Variants in ASB3 observed in about 807,000 individuals in gnomAD.
ASB3 encodes ankyrin repeat and SOCS box protein 3.
A neutral mutation model predicts 54.5 loss-of-function variants in ASB3; 41 were observed. The observed-to-expected ratio is 0.75, with a 90% CI of 0.59 to 0.98. The LOEUF is 0.98. ASB3 is among the 50% of genes least tolerant of loss of function. ASB3 has a pLI of 0.00. For missense variants in ASB3, 733 were observed against 620.0 expected, an observed-to-expected ratio of 1.18 and a Z score of -1.94; for synonymous variants, 266 against 221.2, an observed-to-expected ratio of 1.20 and a Z score of -1.80.
At chr2:53,682,586 C>T (rs892549293) in intron 9 of ASB3, among the ~76,000 whole-genome samples, 1 of 152,222 alleles carries the variant, frequency 6.6e-6, no homozygotes, top group Middle Eastern at 3.4e-3. Context: ...AAGTGATTCT[C>T]CTGCCTCAAC....
At chr2:53,734,626 G>A (rs1200677038) in intron 3 of ASB3, among the ~76,000 whole-genome samples, 3 of 152,158 alleles carry the variant, frequency 2.0e-5, no homozygotes, top group Non-Finnish European at 4.4e-5. Context: ...AAATTCTACT[G>A]CCATAATTCA....
chr2:53,682,043 C>A (rs1005058144), intron 9 of ASB3, among the ~76,000 whole-genome samples: 2 of 151,778 alleles, frequency 1.3e-5, no homozygotes, highest in African/African-American at 2.4e-5. Context: ...GCCTGTAACC[C>A]CAGCTACTTG....
chr2:53,692,822 T>C (rs1421116630), intron 9 of ASB3, among the ~76,000 whole-genome samples: 2 of 152,224 alleles, frequency 1.3e-5, no homozygotes, highest in African/African-American at 2.4e-5. Context: ...TAAAAGCAGA[T>C]GCAATTTTCA....
chr2:53,731,275 A>C (rs1671295491), intron 3 of ASB3, among the ~76,000 whole-genome samples: 1 of 152,062 alleles, frequency 6.6e-6, no homozygotes, highest in African/African-American at 2.4e-5. Context: ...GGTGGCACGC[A>C]CCTGTAATCC....
At chr2:53,760,306 A>G (rs1005005877) in intron 2 of ASB3, among the ~76,000 whole-genome samples, 30 of 152,222 alleles carry the variant, frequency 2.0e-4, no homozygotes, top group African/African-American at 6.0e-4. Flanking sequence ...CCTATCAAAC[A>G]TCAGGAAGAC....
chr2:53,693,881 T>C lies in ASB3; in HGVS notation c.1369+3A>G, dbSNP rs781107333. On this transcript the variant is annotated splice_donor_region_variant and intron_variant, in intron 9 of 9. Coordinates refer to ENST00000263634, the MANE Select transcript of ASB3 (RefSeq NM_016115.5). ...AGTGTGTTTAAAAGTTATTCTTTCTTACCAATATGTTGCTGTAGAATCCAA... is the reference window on the plus strand; with the variant it reads ...AGTGTGTTTAAAAGTTATTCTTTCTCACCAATATGTTGCTGTAGAATCCAA... 49 of 1,612,566 alleles carry C rather than the reference T, an allele frequency of 3.0e-5. No individual in the cohort carries two copies. The Admixed American group carries it at 6.3e-4, about 21-fold the overall frequency.
chr2:53,700,226 T>C, intron 8 of ASB3, 45 bp downstream of exon 8: 1 of 1,579,200 alleles, frequency 6.3e-7, no homozygotes, highest in Non-Finnish European at 8.6e-7. Flanking sequence ...AAAGGTAGTA[T>C]ATTCACTCAA....
At chr2:53,699,259 A>G (rs1669351795) in intron 8 of ASB3, among the ~76,000 whole-genome samples, 1 of 152,184 alleles carries the variant, frequency 6.6e-6, no homozygotes, top group South Asian at 2.1e-4. Flanking sequence ...TACCTCCCAA[A>G]TATCTCACCT....
At chr2:53,768,789 A>T (rs187295594) in intron 1 of ASB3, among the ~76,000 whole-genome samples, 1 of 152,272 alleles carries the variant, frequency 6.6e-6, no homozygotes, top group Non-Finnish European at 1.5e-5. Flanking sequence ...ATATGTATAG[A>T]GAATTAGCAG....
chr2:53,748,503 A>G (rs546940512), intron 3 of ASB3: 2 of 152,334 alleles, frequency 1.3e-5, no homozygotes, highest in Admixed American at 1.3e-4. Context: ...CGTGTAAAAT[A>G]CTTTTCGCAT....
At chr2:53,752,720 T>C (rs370743433) in intron 2 of ASB3, among the ~76,000 whole-genome samples, 5 of 152,208 alleles carry the variant, frequency 3.3e-5, no homozygotes, top group African/African-American at 1.2e-4. Context: ...AACACAAGCA[T>C]TGAAGCGTGC....
intron 1 of ASB3, among the ~76,000 whole-genome samples, chr2:53,772,679 A>G (rs891473002): frequency 6.6e-6 from 1 of 151,732 alleles, no homozygotes; most frequent in Admixed American, 6.6e-5. Flanking sequence ...AATTGTATCA[A>G]TAGCACCTGT....
intron 7 of ASB3, among the ~76,000 whole-genome samples, chr2:53,711,427 G>C (rs1572887710): frequency 3.9e-5 from 6 of 152,178 alleles, no homozygotes; most frequent in Admixed American, 3.9e-4. Context: ...ACTGATATTA[G>C]CTGCTGGTGC....
chr2:53,731,510 ATAAC>A (rs1262668746), intron 3 of ASB3, among the ~76,000 whole-genome samples: 1 of 152,244 alleles, frequency 6.6e-6, no homozygotes, highest in Non-Finnish European at 1.5e-5. Flanking sequence ...GGAATCTAAC[ATAAC>A]TAAGTTAATA....
At chr2:53,760,388 A>G (rs996389806) in intron 2 of ASB3, among the ~76,000 whole-genome samples, 5 of 152,296 alleles carry the variant, frequency 3.3e-5, no homozygotes, top group African/African-American at 1.2e-4. Flanking sequence ...GTCACCAGAA[A>G]GAAAAGAAAA....
chr2:53,715,899 A>C (rs892872667), intron 6 of ASB3, among the ~76,000 whole-genome samples: 10 of 152,220 alleles, frequency 6.6e-5, no homozygotes, highest in African/African-American at 2.2e-4. Flanking sequence ...AAAAAGTGCT[A>C]TTATAGAATT....
chr2:53,771,585 A>G (rs1383465225), intron 1 of ASB3, among the ~76,000 whole-genome samples: 1 of 152,222 alleles, frequency 6.6e-6, no homozygotes, highest in Non-Finnish European at 1.5e-5. Flanking sequence ...GAATATTTAT[A>G]ATTACTGCTT....
rs1473691454 is a variant in ASB3 at position 53,769,846 on chromosome 2, A to T, written c.-13-4261T>A. ...AACAAGAGTGAAATTCCGTCTCAAAAAAAAAGAGCTAAAAAAAGGTGTCTT... is the reference window on the plus strand; with the variant it reads ...AACAAGAGTGAAATTCCGTCTCAAATAAAAAGAGCTAAAAAAAGGTGTCTT... On this transcript the variant is annotated intron_variant, in intron 1 of 9. Transcript: ENST00000263634. Among the ~76,000 whole-genome samples the T allele has an allele frequency of 2.6e-5, 4 of 152,232 alleles. No homozygotes were observed. In the East Asian group the frequency reaches 7.7e-4, roughly 29 times the overall value.
intron 1 of ASB3, among the ~76,000 whole-genome samples, chr2:53,784,227 C>T (rs180961104): frequency 7.9e-5 from 12 of 152,270 alleles, no homozygotes; most frequent in Non-Finnish European, 1.6e-4. Context: ...ATAAATAAAG[C>T]ATAAAAGACT....
Sources: gnomAD v4.1 joint callset for allele counts (sites outside exome capture counted in the v4.1 genomes callset) on GRCh38, gnomAD v4.1.1 for gene constraint, MANE v1.5 for transcripts, NCBI Gene and HGNC (gene_info 2026-07-23, HGNC 2026-07-21) for gene names.